Variants in PATJ observed in about 807,000 individuals in gnomAD.
The protein encoded by PATJ is inaD-like protein.
A neutral mutation model predicts 224.9 loss-of-function variants in PATJ; 190 were observed. The ratio of observed to expected loss-of-function variants is 0.84; its 90% CI spans 0.75 to 0.95. The LOEUF is 0.95. PATJ is among the 40% of genes least tolerant of loss of function. The pLI, the probability that PATJ is intolerant of heterozygous loss-of-function variation, is 0.00. For missense variants in PATJ, 2,121 were observed against 2,270.3 expected (o/e 0.93, Z 1.34); for synonymous variants, 769 against 820.3 (o/e 0.94, Z 1.07).
intron 27 of PATJ, among the ~76,000 whole-genome samples, chr1:61,985,827 A>G (rs1342251234): frequency 3.9e-5 from 6 of 151,998 alleles, no homozygotes; most frequent in African/African-American, 1.5e-4. Context: ...TTAAGTCTCC[A>G]TTTTTCTTAA....
intron 37 of PATJ, chr1:62,117,503 A>T: frequency 2.4e-6 from 2 of 843,372 alleles, no homozygotes; most frequent in Non-Finnish European, 3.0e-6. Flanking sequence ...AGCTGTGTTT[A>T]TTTAAAAAAA....
At chr1:62,123,479 T>C (rs1246233656) in intron 39 of PATJ, among the ~76,000 whole-genome samples, 3 of 130,438 alleles carry the variant, frequency 2.3e-5, no homozygotes, top group Admixed American at 7.9e-5. Flanking sequence ...CTTTTTTTTT[T>C]TTTTTTTTTT....
At chr1:61,759,342 C>T (rs913364069) in intron 1 of PATJ, among the ~76,000 whole-genome samples, 2 of 151,694 alleles carry the variant, frequency 1.3e-5, no homozygotes, top group Admixed American at 1.3e-4. Context: ...GAGCCACAGG[C>T]TTGCTGTTAA....
intron 28 of PATJ, among the ~76,000 whole-genome samples, chr1:62,002,061 G>A (rs541864560): frequency 4.8e-4 from 73 of 152,194 alleles, no homozygotes; most frequent in East Asian, 2.7e-3. Flanking sequence ...CTGGGGATGC[G>A]GGTGATTAGG....
In PATJ at chr1:61,944,064, G is replaced by T. The variant is rs545531263; in HGVS notation, c.3670+16235G>T. On this transcript the variant is annotated intron_variant, in intron 27 of 43. Transcript: ENST00000642238. ...AGGACATCCACACCAAAACCCCATT[G>T]GTATGTCACCATCATCAGGGACCAA... 9.9e-5 allele frequency among the ~76,000 whole-genome samples: 15 copies of T among 152,236 alleles called. No individual in the cohort carries two copies. In the South Asian group the frequency reaches 3.1e-3, roughly 32 times the overall value.
chr1:61,780,342 A>G (rs527390433), intron 7 of PATJ, among the ~76,000 whole-genome samples: 5 of 152,134 alleles, frequency 3.3e-5, no homozygotes, highest in South Asian at 2.1e-4. Flanking sequence ...GTGCATGCCC[A>G]TAATCCCAGC....
intron 20 of PATJ, among the ~76,000 whole-genome samples, chr1:61,869,155 G>A (rs570211154): frequency 6.4e-4 from 90 of 139,858 alleles, no homozygotes; most frequent in African/African-American, 2.0e-3. Context: ...CGCCCAGGCT[G>A]GAGTGCAGTG....
intron 14 of PATJ, among the ~76,000 whole-genome samples, chr1:61,813,384 C>T (rs76644634): frequency 0.048 from 2,279 of 47,510 alleles, 26 homozygotes; most frequent in Admixed American, 0.1. Flanking sequence ...TATATACACA[C>T]ACACACACAC....
At chr1:62,000,807 C>T (rs552951347) in intron 28 of PATJ, among the ~76,000 whole-genome samples, 1 of 151,098 alleles carries the variant, frequency 6.6e-6, no homozygotes, top group Non-Finnish European at 1.5e-5. Flanking sequence ...AGTTTACAGT[C>T]CCACCAACAG....
At chr1:62,042,102 G>A (rs900480546) in intron 30 of PATJ, among the ~76,000 whole-genome samples, 3 of 152,120 alleles carry the variant, frequency 2.0e-5, no homozygotes, top group South Asian at 2.1e-4. Context: ...ACATTATCAC[G>A]TATCTTAATC....
chr1:61,959,163 G>A (rs1331463486), intron 27 of PATJ, among the ~76,000 whole-genome samples: 1 of 151,934 alleles, frequency 6.6e-6, no homozygotes, highest in Non-Finnish European at 1.5e-5. Context: ...ATGAAAGGTA[G>A]GATGAATAGA....
At chr1:61,943,426 C>T (rs983733612) in intron 27 of PATJ, among the ~76,000 whole-genome samples, 6 of 152,184 alleles carry the variant, frequency 3.9e-5, no homozygotes, top group East Asian at 3.9e-4. Flanking sequence ...CTTTAGCAAA[C>T]GGCATACCAG....
chr1:61,858,833 C>T (rs932222945), intron 18 of PATJ, among the ~76,000 whole-genome samples: 1 of 152,124 alleles, frequency 6.6e-6, no homozygotes. Context: ...CTTTTTTATT[C>T]TGGCCTGTGT....
chr1:61,952,253 T>A (rs1397820107), intron 27 of PATJ: 1 of 462,740 alleles, frequency 2.2e-6, no homozygotes, highest in African/African-American at 2.5e-5. Context: ...GAACAAAATC[T>A]GAGAGAGAGA....
At chr1:62,098,364 AAAAAAG>A (rs1343094003) in intron 33 of PATJ, among the ~76,000 whole-genome samples, 1 of 151,400 alleles carries the variant, frequency 6.6e-6, no homozygotes, top group Non-Finnish European at 1.5e-5. Context: ...ATCTCAAAAA[AAAAAAG>A]AAAAAAGAAA....
At chr1:62,046,062 C>T (rs61777667) in intron 30 of PATJ, among the ~76,000 whole-genome samples, 17,205 of 151,984 alleles carry the variant, frequency 0.11, 1,322 homozygotes, top group South Asian at 0.22. Flanking sequence ...ATTAGCCAGG[C>T]ATGGTGGTGC....
chr1:62,117,147 G>C lies in PATJ; in HGVS notation c.4819G>C (p.Val1607Leu). The C allele has an allele frequency of 1.7e-5, 28 of 1,613,906 alleles. No individual in the cohort carries two copies. The highest frequency in any genetic ancestry group is 2.3e-5 in the Non-Finnish European group (27 of 1,179,892). Reference protein sequence around the residue: ...ATILKCAQGLVQLEIGRLRAG... With the variant: ...ATILKCAQGLLQLEIGRLRAG... The stretch of plus-strand genomic sequence containing the variant: ...CCTTTCCAAGTGTGCACAGGGACTT[G>C]TGCAGCTAGAGATTGGAAGACTCCG... The change falls in exon 37 of 44, where the codon GTG becomes CTG. Residue 1607 changes from valine to leucine, a missense_variant. Val to Leu is a conservative substitution (Grantham distance 32). Coordinates refer to ENST00000642238, the MANE Select transcript of PATJ (RefSeq NM_001350145.3).
chr1:61,772,071 G>A (rs542376063), intron 6 of PATJ, among the ~76,000 whole-genome samples: 16 of 145,398 alleles, frequency 1.1e-4, no homozygotes, highest in Admixed American at 2.8e-4. Flanking sequence ...TGAATGCAGC[G>A]TTAGCATATT....
intron 18 of PATJ, among the ~76,000 whole-genome samples, chr1:61,860,130 T>G (rs1664319338): frequency 6.6e-6 from 1 of 152,188 alleles, no homozygotes; most frequent in Non-Finnish European, 1.5e-5. Flanking sequence ...TCATCTTAGC[T>G]CTTTTCTAAA....
Sources: gnomAD v4.1 joint callset for allele counts (sites outside exome capture counted in the v4.1 genomes callset) on GRCh38, gnomAD v4.1.1 for gene constraint, MANE v1.5 for transcripts, NCBI Gene and HGNC (gene_info 2026-07-23, HGNC 2026-07-21) for gene names.